Variants in AATF observed in about 807,000 individuals in gnomAD.
AATF encodes protein AATF.
Under a neutral mutation model 63.7 loss-of-function variants are expected in AATF, and 48 were observed. That is an observed-to-expected ratio of 0.75 (90% confidence interval 0.60 to 0.96). The LOEUF (loss-of-function observed/expected upper bound fraction) is 0.96. Among genes scored for constraint, AATF ranks in the 40% least tolerant of loss-of-function variants. The probability of loss-of-function intolerance (pLI) is 0.00; values close to 1 mark genes in which losing one functional copy is unlikely to be tolerated. For synonymous variants in AATF, 258 were observed against 247.7 expected, an observed-to-expected ratio of 1.04 and a Z score of -0.39; for missense variants, 639 against 685.7, an observed-to-expected ratio of 0.93 and a Z score of 0.76.
intron 8 of AATF, among the ~76,000 whole-genome samples, chr17:36,995,503 C>A (rs2071248018): frequency 6.6e-6 from 1 of 152,136 alleles, no homozygotes; most frequent in African/African-American, 2.4e-5. Context: ...TCCCAAGCTA[C>A]CCTTATGTTA....
Position 36,953,001 on chromosome 17 carries a change from C to A in AATF, c.399C>A (p.His133Gln). The A allele has an allele frequency of 6.2e-7, 1 of 1,614,030 alleles. No homozygotes were observed. The highest frequency in any genetic ancestry group is 8.5e-7 in the Non-Finnish European group (1 of 1,180,012). The part of the protein sequence containing the change: ...GAAEEQECGD[H>Q]RESKKSRSHS... Reference sequence around the variant, plus strand: ...CTGAGGAACAGGAGTGTGGTGATCACAGGGAGAGCAAGAAGAGCAGAAGCC... The same window carrying A: ...CTGAGGAACAGGAGTGTGGTGATCAAAGGGAGAGCAAGAAGAGCAGAAGCC... The change falls in exon 3 of 12, where the codon CAC becomes CAA. Residue 133 changes from histidine (H) to glutamine (Q), a missense_variant. By Grantham distance (24) the His-to-Gln change is conservative. Transcript: ENST00000619387.
chr17:37,001,583 A>G (rs563227252), intron 8 of AATF, among the ~76,000 whole-genome samples: 4 of 152,248 alleles, frequency 2.6e-5, no homozygotes, highest in Non-Finnish European at 5.9e-5. Flanking sequence ...AGAATATGGA[A>G]AGAAACCACA....
intron 4 of AATF, 125 bp downstream of exon 4, chr17:36,954,032 T>A: frequency 1.3e-6 from 1 of 792,442 alleles, no homozygotes; most frequent in Non-Finnish European, 1.9e-6. Flanking sequence ...GCCCTTGCTC[T>A]CCCCTCCCCA....
At chr17:37,009,611 A>C (rs1442277733) in intron 8 of AATF, among the ~76,000 whole-genome samples, 1 of 148,300 alleles carries the variant, frequency 6.7e-6, no homozygotes, top group Non-Finnish European at 1.5e-5. Context: ...AGGTCAGGAG[A>C]TCGAGACCAT....
intron 2 of AATF, 45 bp from the exon 3 acceptor site, chr17:36,952,841 C>T (rs754169679): frequency 1.3e-6 from 2 of 1,581,452 alleles, no homozygotes; most frequent in Non-Finnish European, 1.7e-6. Flanking sequence ...GGTATTTTCT[C>T]CAGGTAATAC....
chr17:37,011,907 T>C (rs959817394), intron 8 of AATF, among the ~76,000 whole-genome samples: 5 of 152,138 alleles, frequency 3.3e-5, no homozygotes, highest in African/African-American at 1.2e-4. Flanking sequence ...TGGGAACATA[T>C]AGTTGGGGAA....
At chr17:37,055,029 C>G (rs1164633208) in intron 11 of AATF, 3 of 152,372 alleles carry the variant, frequency 2.0e-5, no homozygotes, top group African/African-American at 4.8e-5. Context: ...GGGCTGCCGT[C>G]CACCTTGGCA....
At chr17:37,040,160 A>G (rs2071625529) in intron 11 of AATF, among the ~76,000 whole-genome samples, 1 of 152,342 alleles carries the variant, frequency 6.6e-6, no homozygotes, top group African/African-American at 2.4e-5. Flanking sequence ...AATCACAGCT[A>G]AGTAACTGGC....
rs767150144 is a variant in AATF at position 36,990,897 on chromosome 17, G to A, written c.1398+40G>A. 4.3e-6 allele frequency: 6 copies of A among 1,388,710 alleles called. No homozygotes were observed. In the African/African-American group the frequency reaches 9.0e-5, roughly 21 times the overall value. 86.0% of individuals were successfully genotyped at this position (1,388,710 alleles called of 1,614,324 possible). On this transcript the variant is annotated intron_variant, in intron 8 of 11. Transcript: ENST00000619387. ...CTCTCTTGTTACAAATCATGTTTTA[G>A]CATTTTAAAGCAGCTTATAGAATTC...
intron 4 of AATF, among the ~76,000 whole-genome samples, chr17:36,984,981 A>G (rs182449742): frequency 3.3e-5 from 5 of 149,726 alleles, no homozygotes; most frequent in Admixed American, 2.7e-4. Context: ...AGCTCACTGC[A>G]ACCTCTGCCT....
At chr17:37,034,062 T>A (rs2071571673) in intron 11 of AATF, among the ~76,000 whole-genome samples, 1 of 152,202 alleles carries the variant, frequency 6.6e-6, no homozygotes, top group Non-Finnish European at 1.5e-5. Context: ...GTGGACTGAT[T>A]CCTAATTACC....
intron 3 of AATF, 69 bp from the exon 4 acceptor site, chr17:36,953,701 C>CCACGCCTGCCACCT: frequency 1.3e-6 from 2 of 1,503,246 alleles, no homozygotes; most frequent in African/African-American, 2.8e-5. Context: ...CTGTTCTTCC[C>CCACGCCTGCCACCT]CACCCCTGCC....
intron 7 of AATF, among the ~76,000 whole-genome samples, chr17:36,989,963 G>A (rs2071200733): frequency 7.6e-6 from 1 of 130,876 alleles, no homozygotes; most frequent in Non-Finnish European, 1.8e-5. Flanking sequence ...TCAATTGCCT[G>A]TTAACGTAAC....
intron 4 of AATF, among the ~76,000 whole-genome samples, chr17:36,959,310 G>T (rs1597699718): frequency 1.3e-5 from 2 of 152,300 alleles, no homozygotes; most frequent in South Asian, 4.1e-4. Context: ...AGGCATGATG[G>T]TGGGTTCCTG....
intron 11 of AATF, 68 bp from the exon 12 acceptor site, chr17:37,056,533 T>C: frequency 6.5e-7 from 1 of 1,534,568 alleles, no homozygotes; most frequent in South Asian, 1.1e-5. Context: ...TTTTCCAGCT[T>C]CTGCGTTCCT....
intron 11 of AATF, among the ~76,000 whole-genome samples, chr17:37,049,188 C>T (rs967522839): frequency 1.3e-5 from 2 of 152,114 alleles, no homozygotes; most frequent in African/African-American, 4.8e-5. Context: ...TCTGACAGCA[C>T]CTTCCAGCCC....
chr17:37,048,195 G>A (rs2071710811), intron 11 of AATF, among the ~76,000 whole-genome samples: 1 of 151,672 alleles, frequency 6.6e-6, no homozygotes, highest in Admixed American at 6.6e-5. Flanking sequence ...GGAGAGTGAG[G>A]GAGAGTAAGT....
At chr17:37,001,311 C>T (rs185707133) in intron 8 of AATF, among the ~76,000 whole-genome samples, 1,362 of 135,238 alleles carry the variant, frequency 0.01, 12 homozygotes, top group Middle Eastern at 0.032. Flanking sequence ...CAGAGCAAGA[C>T]CAAGAAAAGA....
chr17:36,991,339 A>T (rs1227817853), intron 8 of AATF, among the ~76,000 whole-genome samples: 1 of 152,210 alleles, frequency 6.6e-6, no homozygotes, highest in South Asian at 2.1e-4. Context: ...TGTATTGAGA[A>T]TGTCTGCAAC....
Sources: allele counts gnomAD v4.1 joint callset (sites outside exome capture counted in the v4.1 genomes callset), GRCh38; gene constraint gnomAD v4.1.1; transcripts MANE v1.5; gene names NCBI Gene and HGNC (gene_info 2026-07-23, HGNC 2026-07-21).